WNK1: variants seen among roughly 807,000 people sequenced by gnomAD.
WNK1 encodes the protein WNK lysine deficient protein kinase 1, also known as serine/threonine-protein kinase WNK1.
Under a neutral mutation model 222.8 loss-of-function variants are expected in WNK1, and 38 were observed. That is an observed-to-expected ratio of 0.17 (90% CI 0.13 to 0.22). WNK1 has a LOEUF of 0.22. Among genes scored for constraint, WNK1 ranks in the 10% least tolerant of loss-of-function variants. The probability of loss-of-function intolerance (pLI) is 1.00; values close to 1 mark genes in which losing one functional copy is unlikely to be tolerated. For synonymous variants in WNK1, 1,090 were observed against 1,092.9 expected, an observed-to-expected ratio of 1.00 and a Z score of 0.05; for missense variants, 2,348 against 2,918.4, an observed-to-expected ratio of 0.80 and a Z score of 4.50.
At chr12:889,297 C>A in intron 21 of WNK1, 74 bp downstream of exon 21, 2 of 1,278,746 alleles carry the variant, frequency 1.6e-6, no homozygotes, top group Non-Finnish European at 2.3e-6. Flanking sequence ...AAACTGTAAC[C>A]TAAACCATTA....
chr12:877,970 G>A lies in WNK1; in HGVS notation c.2224-242G>A, dbSNP rs1952780264. ...GTTGGGGTGAGGGAGATAATTGGGT[G>A]AAGAGCCAATGGTAACTTGAGTATT... On this transcript the variant is annotated intron_variant, in intron 9 of 27. Transcript: ENST00000315939. 3 of 528,172 alleles carry A rather than the reference G, an allele frequency of 5.7e-6. No individual in the cohort carries two copies. The East Asian group carries it at 1.0e-4, about 18-fold the overall frequency. 32.7% of individuals were successfully genotyped at this position (528,172 alleles called of 1,614,324 possible).
intron 1 of WNK1, among the ~76,000 whole-genome samples, chr12:766,676 A>T (rs1941740214): frequency 6.6e-6 from 1 of 151,854 alleles, no homozygotes; most frequent in Non-Finnish European, 1.5e-5. Flanking sequence ...ACGAGGTTTC[A>T]CCATGTTGGT....
At chr12:816,700 G>T (rs994950321) in intron 2 of WNK1, among the ~76,000 whole-genome samples, 3 of 152,098 alleles carry the variant, frequency 2.0e-5, no homozygotes, top group African/African-American at 7.2e-5. Flanking sequence ...GATCAGGAAC[G>T]GAAAGAAAAC....
chr12:908,187 A>G (rs1955861391), intron 27 of WNK1, 153 bp downstream of exon 27: 3 of 1,046,864 alleles, frequency 2.9e-6, no homozygotes, highest in Non-Finnish European at 4.2e-6. Flanking sequence ...GTACCCTTTT[A>G]TTTTTCCTTC....
chr12:794,760 A>G (rs1007423624), intron 1 of WNK1, among the ~76,000 whole-genome samples: 2 of 152,018 alleles, frequency 1.3e-5, no homozygotes, highest in African/African-American at 4.8e-5. Flanking sequence ...ATATTTATGT[A>G]TTCATTTATT....
At position 899,795 on chromosome 12, in the gene WNK1, G is replaced by A. The variant is rs13313201; in HGVS notation, c.6449-681G>A. Among the ~76,000 whole-genome samples the A allele has an allele frequency of 7.6e-3, 1,158 of 152,136 alleles. 11 individuals carry two copies. The highest frequency in any genetic ancestry group is 0.027 in the African/African-American group (1,101 of 41,492). On this transcript the variant is annotated intron_variant, in intron 25 of 27. Transcript: ENST00000315939. The stretch of plus-strand genomic sequence containing the variant: ...TGCTCTGATGCACGTTTATAGGAAA[G>A]TCTAAGCAGAGACTGCCTAGCAAAC...
chr12:897,509 T>A lies in WNK1; in HGVS notation c.6276T>A (p.Ser2092Arg), dbSNP rs1159470464. The A allele has an allele frequency of 1.2e-5, 19 of 1,611,144 alleles. No individual in the cohort carries two copies. Among genetic ancestry groups the A allele is most frequent in the Non-Finnish European group, 1.6e-5 (19 of 1,177,400 alleles). The part of the protein sequence containing the change: ...KHLKEIQDLQ[S>R]RQKHEIESLY... ...TCAAAGAGATTCAGGACCTGCAGAG[T>A]CGCCAGAAGCATGAAATTGAATCTT... Residue 2092 changes from serine (S) to arginine (R), a missense_variant, in exon 25 of 28, where the codon AGT (serine) becomes AGA (arginine). By Grantham distance (110) the Ser-to-Arg change is moderately radical. Coordinates refer to ENST00000315939, the MANE Select transcript of WNK1 (RefSeq NM_018979.4).
At chr12:772,404 G>T (rs898483657) in intron 1 of WNK1, among the ~76,000 whole-genome samples, 2 of 117,466 alleles carry the variant, frequency 1.7e-5, no homozygotes, top group African/African-American at 6.0e-5. Context: ...TCATAATTGG[G>T]GTGTGTGTGT....
intron 1 of WNK1, among the ~76,000 whole-genome samples, chr12:795,227 T>G (rs1030133383): frequency 6.6e-6 from 1 of 152,150 alleles, no homozygotes; most frequent in African/African-American, 2.4e-5. Context: ...GGGCTTTTCA[T>G]TGTGGAAAGT....
At position 880,923 on chromosome 12, in the gene WNK1, G is replaced by T. The variant is rs750516612; in HGVS notation, c.3035G>T (p.Gly1012Val). 1.5e-5 allele frequency: 24 copies of T among 1,614,000 alleles called. No homozygotes were observed. Among genetic ancestry groups the T allele is most frequent in the Non-Finnish European group, 1.5e-5 (18 of 1,180,030 alleles). Residue 1012 changes from glycine (G) to valine (V), a missense_variant, in exon 12 of 28, where the codon GGA (glycine) becomes GTA (valine). By Grantham distance (109) the Gly-to-Val change is moderately radical (BLOSUM62 -3). Around this residue, in one of 13 missense-constraint regions of WNK1, gnomAD observed 547 missense variants for 558.3 expected, o/e 0.98. Transcript: ENST00000315939. ...TTAGTTCCTATGGGTGGTGTAGGAGGACAGGTTCAAGTGTCCCAGCCAGGA... is the reference window on the plus strand; with the variant it reads ...TTAGTTCCTATGGGTGGTGTAGGAGTACAGGTTCAAGTGTCCCAGCCAGGA... ...NLLVPMGGVG[G>V]QVQVSQPGGS...
intron 1 of WNK1, among the ~76,000 whole-genome samples, chr12:756,743 A>C (rs1172052678): frequency 6.6e-6 from 1 of 152,232 alleles, no homozygotes; most frequent in Non-Finnish European, 1.5e-5. Context: ...TTGGAGCCAA[A>C]TTAAAGGACA....
rs1592163135 is a variant in WNK1, at chr12:883,026, T to C, written c.3456T>C (p.Asp1152=). Reference sequence around the variant, plus strand: ...TGGTTACATTCAAATTTGACCTAGATGGTGACAACCCCGAGGAGATAGCAA... The same window carrying C: ...TGGTTACATTCAAATTTGACCTAGACGGTGACAACCCCGAGGAGATAGCAA... The part of the protein sequence containing the change: ...RKMVTFKFDL[D]GDNPEEIATI... Residue 1152 remains aspartate, a synonymous_variant, in exon 15 of 28, where the codon GAT becomes GAC. Coordinates refer to ENST00000315939, the MANE Select transcript of WNK1 (RefSeq NM_018979.4). 3.7e-6 allele frequency: 6 copies of C among 1,613,426 alleles called. No homozygotes were observed. The African/African-American group carries it at 5.3e-5, about 14-fold the overall frequency.
chr12:852,088 T>C (rs1019007096), intron 4 of WNK1, among the ~76,000 whole-genome samples: 5 of 152,200 alleles, frequency 3.3e-5, no homozygotes, highest in African/African-American at 1.2e-4. Context: ...GTGCTGGCAA[T>C]TCTTAGGATC....
chr12:792,765 A>G (rs1944965152), intron 1 of WNK1, among the ~76,000 whole-genome samples: 1 of 152,136 alleles, frequency 6.6e-6, no homozygotes, highest in African/African-American at 2.4e-5. Flanking sequence ...AGAGGCAACC[A>G]TATATTTGTA....
At chr12:802,786 A>T (rs1299144088) in intron 1 of WNK1, among the ~76,000 whole-genome samples, 2 of 152,226 alleles carry the variant, frequency 1.3e-5, no homozygotes, top group East Asian at 3.8e-4. Flanking sequence ...ATGAAACTAC[A>T]GTGTGAAGAT....
intron 2 of WNK1, among the ~76,000 whole-genome samples, chr12:825,152 A>G (rs1254265887): frequency 2.0e-5 from 3 of 152,310 alleles, no homozygotes; most frequent in South Asian, 2.1e-4. Flanking sequence ...GAACATTTCC[A>G]TCATATCGGA....
At position 758,736 on chromosome 12, in the gene WNK1, G is replaced by C. The variant is rs529346709; in HGVS notation, c.759+4412G>C. ...AGGATGAGAATCAGCGTAACTTTCCGTCTCAGGGAATAGTTTTTGGAGTTT... is the reference window on the plus strand; with the variant it reads ...AGGATGAGAATCAGCGTAACTTTCCCTCTCAGGGAATAGTTTTTGGAGTTT... On this transcript the variant is annotated intron_variant, in intron 1 of 27. Coordinates refer to ENST00000315939, the MANE Select transcript of WNK1 (RefSeq NM_018979.4). Among the ~76,000 whole-genome samples, 3 of 146,724 alleles carry C rather than the reference G, an allele frequency of 2.0e-5. 1 individual carries two copies. Among genetic ancestry groups the C allele is most frequent in the Non-Finnish European group, 4.6e-5 (3 of 65,930 alleles).
At chr12:811,707 T>TA (rs992895824) in intron 1 of WNK1, among the ~76,000 whole-genome samples, 31 of 148,542 alleles carry the variant, frequency 2.1e-4, no homozygotes, top group East Asian at 7.8e-4. Flanking sequence ...GTTCCTAGAT[T>TA]AAAAAAAAAA....
intron 21 of WNK1, 106 bp from the exon 22 acceptor site, chr12:890,347 T>C (rs540730028): frequency 3.2e-5 from 35 of 1,086,574 alleles, no homozygotes; most frequent in Admixed American, 3.6e-5. Context: ...TCATCACATA[T>C]ACTGTCTTTC....
Sources: gnomAD v4.1 joint callset for allele counts (sites outside exome capture counted in the v4.1 genomes callset) on GRCh38, gnomAD v4.1.1 for gene constraint, gnomAD v4.1.1 regional missense constraint, MANE v1.5 for transcripts, NCBI Gene and HGNC (gene_info 2026-07-23, HGNC 2026-07-21) for gene names.